Variants in EBF2 observed in about 807,000 individuals in gnomAD.
EBF2 encodes the protein transcription factor COE2.
A neutral mutation model predicts 72.8 loss-of-function variants in EBF2; 21 were observed. That is an observed-to-expected ratio of 0.29 (90% CI 0.20 to 0.42). The LOEUF is 0.42. Among genes scored for constraint, EBF2 ranks in the 10% least tolerant of loss-of-function variants. The pLI is 1.00. For synonymous variants in EBF2, 299 were observed against 274.2 expected (o/e 1.09, Z -0.89); for missense variants, 637 against 731.2 (o/e 0.87, Z 1.49).
At chr8:25,846,947 A>C (rs1207407753) in intron 15 of EBF2, among the ~76,000 whole-genome samples, 2 of 152,144 alleles carry the variant, frequency 1.3e-5, no homozygotes, top group Non-Finnish European at 1.5e-5. Context: ...CCAGGTGGAA[A>C]GTAGGTATGG....
intron 7 of EBF2, among the ~76,000 whole-genome samples, chr8:25,896,730 T>C (rs1380567476): frequency 6.6e-6 from 1 of 152,190 alleles, no homozygotes; most frequent in Non-Finnish European, 1.5e-5. Flanking sequence ...AGTTCCATAT[T>C]GCAAGGAGAA....
intron 15 of EBF2, among the ~76,000 whole-genome samples, chr8:25,849,087 G>A (rs1319050745): frequency 6.6e-6 from 1 of 152,204 alleles, no homozygotes; most frequent in Non-Finnish European, 1.5e-5. Flanking sequence ...CTAGGAATTA[G>A]ACATCTGGGT....
At chr8:25,938,705 G>A (rs536895378) in intron 6 of EBF2, among the ~76,000 whole-genome samples, 1 of 152,282 alleles carries the variant, frequency 6.6e-6, no homozygotes, top group East Asian at 1.9e-4. Flanking sequence ...CAGGGATGCA[G>A]TAAAAAGAAC....
At chr8:25,980,218 T>C (rs1804337742) in intron 6 of EBF2, among the ~76,000 whole-genome samples, 1 of 152,218 alleles carries the variant, frequency 6.6e-6, no homozygotes, top group African/African-American at 2.4e-5. Context: ...TTTGTTGCTC[T>C]GTTTTATTTT....
At chr8:25,959,535 T>C (rs1347203102) in intron 6 of EBF2, among the ~76,000 whole-genome samples, 2 of 152,202 alleles carry the variant, frequency 1.3e-5, no homozygotes, top group Non-Finnish European at 2.9e-5. Flanking sequence ...AAATGAATTG[T>C]GGTGTAAAAA....
intron 5 of EBF2, 53 bp downstream of exon 5, chr8:26,039,975 G>T: frequency 6.3e-7 from 1 of 1,587,626 alleles, no homozygotes; most frequent in Non-Finnish European, 8.6e-7. Context: ...GCCAAGGCGG[G>T]GCTGGAGCAC....
chr8:25,887,787 T>A, intron 9 of EBF2, 55 bp downstream of exon 9: 1 of 1,477,606 alleles, frequency 6.8e-7, no homozygotes, highest in Non-Finnish European at 9.0e-7. Flanking sequence ...GTTTCCCAGA[T>A]CAAAACAATC....
chr8:25,984,136 A>G (rs1234397182), intron 6 of EBF2, among the ~76,000 whole-genome samples: 1 of 152,228 alleles, frequency 6.6e-6, no homozygotes, highest in South Asian at 2.1e-4. Context: ...CTAGAATCCA[A>G]ATAAATTATT....
At chr8:25,950,729 A>G (rs2117168356) in intron 6 of EBF2, among the ~76,000 whole-genome samples, 1 of 152,366 alleles carries the variant, frequency 6.6e-6, no homozygotes, top group South Asian at 2.1e-4. Flanking sequence ...GCATGGAACC[A>G]TGATCTTTGG....
chr8:25,928,258 G>T (rs1239419247), intron 6 of EBF2, among the ~76,000 whole-genome samples: 3 of 152,150 alleles, frequency 2.0e-5, no homozygotes, highest in African/African-American at 7.2e-5. Context: ...GCACACGCTG[G>T]ATTTCCACAT....
intron 6 of EBF2, among the ~76,000 whole-genome samples, chr8:25,975,547 G>T (rs188466779): frequency 1.3e-5 from 2 of 152,044 alleles, no homozygotes; most frequent in Non-Finnish European, 2.9e-5. Context: ...GATCATATAC[G>T]CTGGCTTTAT....
chr8:25,899,495 A>G (rs1214992227), intron 7 of EBF2, among the ~76,000 whole-genome samples: 2 of 152,358 alleles, frequency 1.3e-5, no homozygotes, highest in East Asian at 1.9e-4. Context: ...CTGGAGCTGT[A>G]TTAAATTTTT....
At chr8:25,990,013 C>T (rs1349044385) in intron 6 of EBF2, among the ~76,000 whole-genome samples, 1 of 152,144 alleles carries the variant, frequency 6.6e-6, no homozygotes, top group Non-Finnish European at 1.5e-5. Context: ...TCTTCCCAGC[C>T]TTGAAGGTTG....
At chr8:25,870,245 ATTTT>A (rs113924712) in intron 10 of EBF2, among the ~76,000 whole-genome samples, 1 of 146,408 alleles carries the variant, frequency 6.8e-6, no homozygotes, top group Non-Finnish European at 1.5e-5. Flanking sequence ...TCATTGCCTA[ATTTT>A]TTTTTTTTTT....
chr8:25,855,346 T>C (rs1802066503), intron 14 of EBF2, among the ~76,000 whole-genome samples: 2 of 152,208 alleles, frequency 1.3e-5, no homozygotes, highest in South Asian at 4.1e-4. Flanking sequence ...TGCACTGAGC[T>C]GGAACTTGGC....
At chr8:25,874,633 TTTTA>T (rs1032129791) in intron 10 of EBF2, among the ~76,000 whole-genome samples, 4 of 151,968 alleles carry the variant, frequency 2.6e-5, no homozygotes, top group African/African-American at 9.7e-5. Flanking sequence ...ACCTTTTATT[TTTTA>T]TTTATTTATT....
chr8:25,878,189 T>G (rs773304940), intron 10 of EBF2, among the ~76,000 whole-genome samples: 4 of 152,166 alleles, frequency 2.6e-5, no homozygotes, highest in Non-Finnish European at 5.9e-5. Flanking sequence ...TTTAAAACCC[T>G]CTAGGTTTCA....
chr8:25,889,647 T>G, intron 8 of EBF2, 105 bp downstream of exon 8: 1 of 871,936 alleles, frequency 1.1e-6, no homozygotes, highest in South Asian at 1.6e-5. Flanking sequence ...CACATTGTTC[T>G]GTGTACTTTC....
At chr8:26,007,940 C>T (rs571756530) in intron 6 of EBF2, among the ~76,000 whole-genome samples, 12 of 151,854 alleles carry the variant, frequency 7.9e-5, no homozygotes, top group Admixed American at 2.0e-4. Context: ...GCATTTTTCC[C>T]GGAAAAAAGA....
Sources: allele counts gnomAD v4.1 joint callset (sites outside exome capture counted in the v4.1 genomes callset), GRCh38; gene constraint gnomAD v4.1.1; transcripts MANE v1.5; gene names NCBI Gene and HGNC (gene_info 2026-07-23, HGNC 2026-07-21).